Variants in C1QTNF3 observed in about 807,000 individuals in gnomAD.
C1QTNF3 encodes the protein C1q and TNF related 3, also known as complement C1q tumor necrosis factor-related protein 3.
In C1QTNF3, 26 loss-of-function variants were observed where a neutral mutation model predicts 32.6. The observed-to-expected ratio is 0.80, with a 90% CI of 0.58 to 1.11. C1QTNF3 has a LOEUF of 1.11. Among genes scored for constraint, C1QTNF3 ranks in the 50% least tolerant of loss-of-function variants. The pLI, the probability that C1QTNF3 is intolerant of heterozygous loss-of-function variation, is 0.00. For synonymous variants in C1QTNF3, 155 were observed against 146.0 expected (o/e 1.06, Z -0.44); for missense variants, 362 against 398.2 (o/e 0.91, Z 0.77).
At chr5:34,040,308 T>G (rs550813866) in intron 1 of C1QTNF3, among the ~76,000 whole-genome samples, 1 of 152,218 alleles carries the variant, frequency 6.6e-6, no homozygotes, top group South Asian at 2.1e-4. Context: ...GATGGAGGCC[T>G]AGGGGTAGGG....
chr5:34,179,533 A>C, the C1QTNF3 span, among the ~76,000 whole-genome samples: 1 of 152,292 alleles, frequency 6.6e-6, no homozygotes, highest in African/African-American at 2.4e-5. Context: ...AAAGAAAAAA[A>C]AAAAAACAAA....
rs139049060 is a variant in C1QTNF3, at chr5:34,023,070, T to C, written c.800+839A>G. 4.8e-3 allele frequency among the ~76,000 whole-genome samples: 738 copies of C among 152,256 alleles called. 5 individuals carry two copies. The highest frequency in any genetic ancestry group is 0.017 in the African/African-American group (710 of 41,556). On this transcript the variant is annotated intron_variant, in intron 5 of 5. Transcript: ENST00000382065. ...CGGGGTTTCACCGTGTTAGCCAGGA[T>C]GGTCTCGATCTCCAGACCTCGTGAT...
the C1QTNF3 span, among the ~76,000 whole-genome samples, chr5:34,074,928 T>C: frequency 6.6e-6 from 1 of 151,920 alleles, no homozygotes; most frequent in African/African-American, 2.4e-5. Flanking sequence ...GGAGGAATTG[T>C]AGGCTATTTG....
chr5:34,140,166 A>G, the C1QTNF3 span, among the ~76,000 whole-genome samples: 1 of 152,190 alleles, frequency 6.6e-6, no homozygotes, highest in Non-Finnish European at 1.5e-5. Context: ...AACCAGAGCT[A>G]TATGAAATGA....
chr5:34,057,124 G>A, the C1QTNF3 span, among the ~76,000 whole-genome samples: 3 of 152,086 alleles, frequency 2.0e-5, no homozygotes, highest in African/African-American at 7.2e-5. Flanking sequence ...CCTCTGAAAC[G>A]AGATTAAACC....
At chr5:34,200,693 T>G in the C1QTNF3 span, 1 of 152,142 alleles carries the variant, frequency 6.6e-6, no homozygotes, top group Non-Finnish European at 1.5e-5. Flanking sequence ...AAATCTCTAC[T>G]TGTCCTTCTA....
At chr5:34,132,431 G>A in the C1QTNF3 span, among the ~76,000 whole-genome samples, 17 of 29,396 alleles carry the variant, frequency 5.8e-4, no homozygotes, top group African/African-American at 1.8e-3. Context: ...ATGTGTATGT[G>A]TATGTATATA....
At chr5:34,219,705 A>G in the C1QTNF3 span, among the ~76,000 whole-genome samples, 3 of 152,150 alleles carry the variant, frequency 2.0e-5, no homozygotes, top group Non-Finnish European at 4.4e-5. Flanking sequence ...TCATTTAACC[A>G]ATATTTTGAT....
chr5:34,058,707 A>C, the C1QTNF3 span, among the ~76,000 whole-genome samples: 1 of 152,154 alleles, frequency 6.6e-6, no homozygotes, highest in South Asian at 2.1e-4. Flanking sequence ...TCACAGGCCT[A>C]GTCAATGTGT....
At chr5:34,145,181 T>C in the C1QTNF3 span, among the ~76,000 whole-genome samples, 1 of 151,910 alleles carries the variant, frequency 6.6e-6, no homozygotes, top group Admixed American at 6.6e-5. Flanking sequence ...CTATATGTAA[T>C]TGAGGTGCAA....
the C1QTNF3 span, among the ~76,000 whole-genome samples, chr5:34,050,228 C>T: frequency 1.3e-5 from 2 of 152,170 alleles, no homozygotes; most frequent in South Asian, 4.1e-4. Context: ...GTTCCATAGA[C>T]CTCTCCACCC....
chr5:34,061,871 T>G, the C1QTNF3 span, among the ~76,000 whole-genome samples: 1 of 152,214 alleles, frequency 6.6e-6, no homozygotes, highest in Non-Finnish European at 1.5e-5. Flanking sequence ...GATTAACATT[T>G]GGCTCCTCAC....
At chr5:34,226,155 T>C in the C1QTNF3 span, among the ~76,000 whole-genome samples, 8 of 152,134 alleles carry the variant, frequency 5.3e-5, no homozygotes, top group East Asian at 1.2e-3. Context: ...ATATCTTCTA[T>C]GTATAAACTA....
chr5:34,242,623 T>G, the C1QTNF3 span, among the ~76,000 whole-genome samples: 3 of 152,022 alleles, frequency 2.0e-5, no homozygotes, highest in African/African-American at 7.2e-5. Context: ...TGGCTAAGTT[T>G]CTAAAAACAA....
chr5:34,021,397 G>A (rs1754325510), intron 5 of C1QTNF3, among the ~76,000 whole-genome samples: 4 of 152,232 alleles, frequency 2.6e-5, no homozygotes, highest in Admixed American at 2.6e-4. Context: ...ACTCTTTGCT[G>A]CTTTTAGAAA....
At chr5:34,089,899 T>C in the C1QTNF3 span, among the ~76,000 whole-genome samples, 1 of 152,244 alleles carries the variant, frequency 6.6e-6, no homozygotes, top group Non-Finnish European at 1.5e-5. Flanking sequence ...TTCACATTCA[T>C]TGTATAAAAG....
the C1QTNF3 span, among the ~76,000 whole-genome samples, chr5:34,244,162 T>C: frequency 5.3e-5 from 8 of 152,296 alleles, no homozygotes; most frequent in African/African-American, 1.4e-4. Context: ...AAATTCCTCA[T>C]AGCATACAAA....
the C1QTNF3 span, chr5:34,244,645 GCA>G: frequency 6.6e-6 from 1 of 152,064 alleles, no homozygotes; most frequent in Non-Finnish European, 1.5e-5. Context: ...GCTGATTGGT[GCA>G]TTTACAATCC....
chr5:34,208,002 C>G, the C1QTNF3 span, among the ~76,000 whole-genome samples: 1 of 152,106 alleles, frequency 6.6e-6, no homozygotes, highest in Admixed American at 6.5e-5. Flanking sequence ...GTGTTACCCA[C>G]AATGGTCTCA....
Sources: allele counts gnomAD v4.1 joint callset (sites outside exome capture counted in the v4.1 genomes callset), GRCh38; gene constraint gnomAD v4.1.1; transcripts MANE v1.5; gene names NCBI Gene and HGNC (gene_info 2026-07-23, HGNC 2026-07-21).